The following NEK10 variants were observed in gnomAD, a reference collection of about 807,000 sequenced individuals.
NEK10 encodes serine/threonine-protein kinase Nek10.
In NEK10, 122 loss-of-function variants were observed where a neutral mutation model predicts 159.8. That is an observed-to-expected ratio of 0.76 (90% confidence interval 0.66 to 0.89). The LOEUF (loss-of-function observed/expected upper bound fraction) is 0.89, where lower values mean the gene tolerates loss of function less well. Among genes scored for constraint, NEK10 ranks in the 40% least tolerant of loss-of-function variants. The pLI is 0.00. For synonymous variants in NEK10, 466 were observed against 457.1 expected (o/e 1.02, Z -0.25); for missense variants, 1,342 against 1,323.1 (o/e 1.01, Z -0.22).
rs115640670 is a variant in NEK10 at position 27,158,109 on chromosome 3, G to A, written c.2869+4592C>T. ...GATATTTGCTTTATTGCTGTTGGCC[G>A]GGACGGAACCTGCAATATCTGTGAG... is the stretch of plus-strand genomic sequence containing the variant. On this transcript the variant is annotated intron_variant, in intron 30 of 35. Coordinates refer to ENST00000691995, the MANE Select transcript of NEK10 (RefSeq NM_001394966.1). 5.2e-3 allele frequency among the ~76,000 whole-genome samples: 793 copies of A among 152,162 alleles called. 8 individuals carry two copies. Among genetic ancestry groups the A allele is most frequent in the African/African-American group, 0.019 (776 of 41,512 alleles).
At chr3:27,192,301 T>G (rs1450496363) in intron 25 of NEK10, 59 bp from the exon 26 acceptor site, 1 of 1,300,436 alleles carries the variant, frequency 7.7e-7, no homozygotes, top group Non-Finnish European at 1.1e-6. Flanking sequence ...GGCCACAGAG[T>G]GTAAAGGGTC....
chr3:27,318,136 CT>C (rs947622770), intron 6 of NEK10, among the ~76,000 whole-genome samples: 1 of 152,186 alleles, frequency 6.6e-6, no homozygotes, highest in Non-Finnish European at 1.5e-5. Context: ...TTTAATGCCC[CT>C]CTGTGGACTG....
intron 33 of NEK10, among the ~76,000 whole-genome samples, chr3:27,117,131 T>C (rs1940576598): frequency 6.6e-6 from 1 of 152,188 alleles, no homozygotes; most frequent in Non-Finnish European, 1.5e-5. Flanking sequence ...TCCAGCTCCA[T>C]CCATGTCCCT....
chr3:27,255,778 T>A (rs1298420943), intron 23 of NEK10, among the ~76,000 whole-genome samples: 1 of 152,204 alleles, frequency 6.6e-6, no homozygotes, highest in African/African-American at 2.4e-5. Context: ...TAAACATATG[T>A]CTAAGTATAC....
At chr3:27,361,865 G>T (rs2048707984) in intron 1 of NEK10, among the ~76,000 whole-genome samples, 1 of 150,592 alleles carries the variant, frequency 6.6e-6, no homozygotes, top group African/African-American at 2.4e-5. Flanking sequence ...TATTTACTGT[G>T]CTCTGACTGT....
chr3:27,174,299 C>T (rs941548846), intron 28 of NEK10, 140 bp downstream of exon 28: 19 of 1,293,980 alleles, frequency 1.5e-5, no homozygotes, highest in Admixed American at 1.3e-4. Context: ...GAGACAGACA[C>T]ATCTGTCCTA....
At chr3:27,179,820 C>A (rs1359804651) in intron 26 of NEK10, among the ~76,000 whole-genome samples, 1 of 152,178 alleles carries the variant, frequency 6.6e-6, no homozygotes, top group Non-Finnish European at 1.5e-5. Context: ...GTGGTTCACA[C>A]CTGTAATCCT....
At chr3:27,235,057 G>C (rs958629803) in intron 23 of NEK10, among the ~76,000 whole-genome samples, 4 of 152,072 alleles carry the variant, frequency 2.6e-5, no homozygotes, top group South Asian at 2.1e-4. Flanking sequence ...TCACTGGCTA[G>C]CCACAAGCAG....
At chr3:27,367,951 T>A (rs2049217318) in intron 1 of NEK10, among the ~76,000 whole-genome samples, 1 of 152,134 alleles carries the variant, frequency 6.6e-6, no homozygotes. Flanking sequence ...TGGGGAATCA[T>A]TGCAGGACTT....
chr3:27,168,228 A>T (rs985119709), intron 29 of NEK10, among the ~76,000 whole-genome samples: 1 of 151,668 alleles, frequency 6.6e-6, no homozygotes, highest in East Asian at 1.9e-4. Context: ...TGAAATTGTT[A>T]TACCATTTTA....
intron 23 of NEK10, among the ~76,000 whole-genome samples, chr3:27,242,875 T>C (rs941269794): frequency 2.0e-5 from 3 of 152,184 alleles, no homozygotes; most frequent in African/African-American, 7.2e-5. Flanking sequence ...AATGTGAGGA[T>C]CCTAGAAGTA....
intron 22 of NEK10, among the ~76,000 whole-genome samples, chr3:27,260,433 T>C (rs1487748303): frequency 1.3e-5 from 2 of 152,146 alleles, no homozygotes; most frequent in Non-Finnish European, 2.9e-5. Flanking sequence ...GCATGAAGCG[T>C]TGTTGAATTT....
intron 22 of NEK10, among the ~76,000 whole-genome samples, chr3:27,279,129 T>C (rs563118322): frequency 6.6e-6 from 1 of 152,252 alleles, no homozygotes; most frequent in Non-Finnish European, 1.5e-5. Context: ...CCTGCCAGCA[T>C]GCTTACTATA....
intron 23 of NEK10, among the ~76,000 whole-genome samples, chr3:27,235,226 T>G (rs1051822289): frequency 6.6e-6 from 1 of 151,952 alleles, no homozygotes; most frequent in Non-Finnish European, 1.5e-5. Flanking sequence ...ATGATGAAGA[T>G]GCCAAAAGTA....
chr3:27,144,389 C>T lies in NEK10; in HGVS notation c.2870-2807G>A, dbSNP rs138936503. Among the ~76,000 whole-genome samples the T allele has an allele frequency of 5.3e-3, 814 of 152,252 alleles. 9 individuals carry two copies. The highest frequency in any genetic ancestry group is 0.019 in the African/African-American group (785 of 41,542). ...AAGTGATGCTGCAGTGAATATACAC[C>T]GGCATGCCTCATTGTGCGTAAGTAC... On this transcript the variant is annotated intron_variant, in intron 30 of 35. Coordinates refer to ENST00000691995, the MANE Select transcript of NEK10 (RefSeq NM_001394966.1).
chr3:27,133,971 C>T (rs1490335260), intron 31 of NEK10, among the ~76,000 whole-genome samples: 2 of 151,958 alleles, frequency 1.3e-5, no homozygotes, highest in East Asian at 3.9e-4. Context: ...AGATGGGATC[C>T]CTTCCTCGGC....
intron 25 of NEK10, among the ~76,000 whole-genome samples, chr3:27,199,605 T>C (rs796624908): frequency 3.0e-4 from 46 of 152,330 alleles, no homozygotes; most frequent in African/African-American, 1.1e-3. Context: ...ATCCCATTAC[T>C]GGCTCTATAC....
rs200047520 is a variant in NEK10 at position 27,226,361 on chromosome 3, AG to A, written c.2091-23805del. On this transcript the variant is annotated intron_variant, in intron 23 of 35. Transcript: ENST00000691995. ...TGCCTGGCCACAGTTTTTAAAAAAA[AG>A]AAAGAAAGAAAGAAAGACTGAAAGA... 2.4e-4 allele frequency among the ~76,000 whole-genome samples: 37 copies of A among 151,478 alleles called. 1 individual carries two copies. Among genetic ancestry groups the A allele is most frequent in the South Asian group, 6.3e-4 (3 of 4,792 alleles).
chr3:27,203,621 A>G (rs1016243598), intron 23 of NEK10, among the ~76,000 whole-genome samples: 5 of 152,160 alleles, frequency 3.3e-5, no homozygotes, highest in Non-Finnish European at 7.4e-5. Context: ...TCAGTTCCAT[A>G]ATAAGTACTT....
Sources: gnomAD v4.1 joint callset for allele counts (sites outside exome capture counted in the v4.1 genomes callset) on GRCh38, gnomAD v4.1.1 for gene constraint, MANE v1.5 for transcripts, NCBI Gene and HGNC (gene_info 2026-07-23, HGNC 2026-07-21) for gene names.